Variants in NMNAT2 observed in about 807,000 individuals in gnomAD.
The protein encoded by NMNAT2 is nicotinamide nucleotide adenylyltransferase 2, also known as nicotinamide/nicotinic acid mononucleotide adenylyltransferase 2.
A neutral mutation model predicts 41.6 loss-of-function variants in NMNAT2; 11 were observed. The observed-to-expected ratio is 0.26, with a 90% CI of 0.17 to 0.44. The LOEUF (loss-of-function observed/expected upper bound fraction) is 0.44. Ranked by LOEUF, NMNAT2 falls within the 20% of genes least tolerant of loss-of-function variation. NMNAT2 has a pLI of 1.00. For synonymous variants in NMNAT2, 148 were observed against 151.2 expected, an observed-to-expected ratio of 0.98 and a Z score of 0.16; for missense variants, 288 against 407.7, an observed-to-expected ratio of 0.71 and a Z score of 2.53.
At chr1:183,327,133 C>T (rs1571600183) in intron 1 of NMNAT2, among the ~76,000 whole-genome samples, 3 of 152,142 alleles carry the variant, frequency 2.0e-5, no homozygotes, top group Non-Finnish European at 2.9e-5. Context: ...TCACTGCAAC[C>T]TCCGCCTCCC....
At chr1:183,270,689 G>A (rs1660963118) in intron 8 of NMNAT2, among the ~76,000 whole-genome samples, 1 of 152,180 alleles carries the variant, frequency 6.6e-6, no homozygotes, top group Non-Finnish European at 1.5e-5. Flanking sequence ...TTTCACATGA[G>A]AACAGCCAGA....
intron 4 of NMNAT2, among the ~76,000 whole-genome samples, chr1:183,288,408 G>C (rs1661448818): frequency 6.6e-6 from 1 of 152,180 alleles, no homozygotes; most frequent in South Asian, 2.1e-4. Context: ...GCAGCTCCAA[G>C]CTCTTGCTCC....
intron 8 of NMNAT2, among the ~76,000 whole-genome samples, chr1:183,270,542 A>AG (rs1660958924): frequency 6.6e-6 from 1 of 151,720 alleles, no homozygotes; most frequent in South Asian, 2.1e-4. Context: ...AAAAAAAAAA[A>AG]AAGAGAGAGA....
intron 10 of NMNAT2, among the ~76,000 whole-genome samples, chr1:183,257,778 T>C (rs1195510135): frequency 3.3e-5 from 5 of 151,438 alleles, no homozygotes; most frequent in African/African-American, 1.2e-4. Flanking sequence ...TAAAGGTTTG[T>C]CAATTTTGTT....
intron 1 of NMNAT2, among the ~76,000 whole-genome samples, chr1:183,373,799 G>A (rs1296614699): frequency 2.0e-5 from 3 of 151,988 alleles, no homozygotes; most frequent in Non-Finnish European, 4.4e-5. Flanking sequence ...TGTATTTTTA[G>A]TAGAGATGAG....
At chr1:183,281,138 T>G (rs1209450691) in intron 7 of NMNAT2, among the ~76,000 whole-genome samples, 1 of 152,150 alleles carries the variant, frequency 6.6e-6, no homozygotes, top group Non-Finnish European at 1.5e-5. Context: ...CTTCCAATGT[T>G]GCCCAGGGAA....
intron 1 of NMNAT2, among the ~76,000 whole-genome samples, chr1:183,389,658 C>T (rs1648379663): frequency 6.7e-6 from 1 of 150,362 alleles, no homozygotes; most frequent in Non-Finnish European, 1.5e-5. Flanking sequence ...ATTGCTTGAG[C>T]CCTGGAGGTT....
chr1:183,392,220 C>A (rs971130482), intron 1 of NMNAT2, among the ~76,000 whole-genome samples: 1 of 152,166 alleles, frequency 6.6e-6, no homozygotes, highest in Non-Finnish European at 1.5e-5. Context: ...CACAGATACC[C>A]CACACCAATA....
intron 1 of NMNAT2, among the ~76,000 whole-genome samples, chr1:183,302,355 G>A (rs1483302634): frequency 7.2e-5 from 11 of 152,212 alleles, no homozygotes; most frequent in Non-Finnish European, 1.5e-4. Context: ...TTCAGGGAGG[G>A]AGTCATCCCA....
chr1:183,340,130 C>T (rs1204697539), intron 1 of NMNAT2, among the ~76,000 whole-genome samples: 1 of 152,182 alleles, frequency 6.6e-6, no homozygotes, highest in South Asian at 2.1e-4. Context: ...GACTTTCTGG[C>T]TCTCCCCTTC....
At chr1:183,335,566 G>A (rs1186505352) in intron 1 of NMNAT2, among the ~76,000 whole-genome samples, 1 of 152,222 alleles carries the variant, frequency 6.6e-6, no homozygotes, top group Non-Finnish European at 1.5e-5. Context: ...GCTTGGCTAT[G>A]TTTCCTTGGG....
chr1:183,384,077 A>G (rs1663858582), intron 1 of NMNAT2, among the ~76,000 whole-genome samples: 1 of 152,220 alleles, frequency 6.6e-6, no homozygotes, highest in Non-Finnish European at 1.5e-5. Context: ...ATGGTTCCAC[A>G]GGCTGTATAG....
chr1:183,284,849 A>G (rs1661362145), intron 5 of NMNAT2, 59 bp from the exon 6 acceptor site: 5 of 1,438,398 alleles, frequency 3.5e-6, no homozygotes, highest in Non-Finnish European at 4.9e-6. Context: ...CACAACTGGC[A>G]CTCATGTCGG....
intron 1 of NMNAT2, among the ~76,000 whole-genome samples, chr1:183,379,866 C>T (rs1456776691): frequency 6.6e-6 from 1 of 152,172 alleles, no homozygotes; most frequent in Non-Finnish European, 1.5e-5. Flanking sequence ...GAAAGATAAA[C>T]AGAGAACCCA....
intron 8 of NMNAT2, among the ~76,000 whole-genome samples, chr1:183,273,243 C>T (rs777373022): frequency 2.0e-5 from 3 of 152,194 alleles, no homozygotes; most frequent in Non-Finnish European, 2.9e-5. Flanking sequence ...CATGGGATGC[C>T]GCCTGATTCG....
chr1:183,378,430 C>T lies in NMNAT2; in HGVS notation c.85+39753G>A, dbSNP rs145816044. 3.9e-3 allele frequency among the ~76,000 whole-genome samples: 594 copies of T among 150,626 alleles called. 1 individual carries two copies. Among genetic ancestry groups the T allele is most frequent in the Non-Finnish European group, 6.7e-3 (451 of 67,732 alleles). On this transcript the variant is annotated intron_variant, in intron 1 of 10. Transcript: ENST00000287713. ...ATTAGCCAGGTGTGGTGGTGCACAC[C>T]TATAATCCCAGCTACTCGGGAGGCT...
At position 183,252,269 on chromosome 1, in the gene NMNAT2, C is replaced by T. The variant is rs1434650967; in HGVS notation, c.*372G>A. 4.6e-6 allele frequency: 1 copy of T among 219,552 alleles called. No individual in the cohort carries two copies. The allele number at this position is 219,552 out of a possible 1,614,324, so 13.6% of individuals were successfully genotyped here. A position where few individuals can be genotyped will look rare whatever the true frequency, so the allele number is the denominator to read the frequency against. On this transcript the variant is annotated 3_prime_UTR_variant, in exon 11 of 11. Transcript: ENST00000287713. ...GAGGAGGGGCACCAGAGCCGCCTCT[C>T]TAGAGCATGCTGGGAGGATGGGCAC...
chr1:183,384,690 T>C (rs1203349792), intron 1 of NMNAT2, among the ~76,000 whole-genome samples: 1 of 152,228 alleles, frequency 6.6e-6, no homozygotes, highest in Non-Finnish European at 1.5e-5. Flanking sequence ...CCTGTAATAA[T>C]TTCCCAGTTC....
rs144032589 is a variant in NMNAT2, at chr1:183,311,074, G to A, written c.86-17281C>T. Among the ~76,000 whole-genome samples the A allele has an allele frequency of 2.1e-3, 316 of 152,174 alleles. 1 individual carries two copies. Among genetic ancestry groups the A allele is most frequent in the African/African-American group, 6.7e-3 (278 of 41,508 alleles). On this transcript the variant is annotated intron_variant, in intron 1 of 10. Transcript: ENST00000287713. ...GGAGATTTGCCCCTGCTTGAGTGAG[G>A]TGCCCTGGTCTAGAACCAGCTCCTG...
Sources: allele counts gnomAD v4.1 joint callset (sites outside exome capture counted in the v4.1 genomes callset), GRCh38; gene constraint gnomAD v4.1.1; transcripts MANE v1.5; gene names NCBI Gene and HGNC (gene_info 2026-07-23, HGNC 2026-07-21).